Variants in FHL3 observed in about 807,000 individuals in gnomAD.
FHL3 encodes four and a half LIM domains protein 3.
In FHL3, 21 loss-of-function variants were observed where a neutral mutation model predicts 34.3. That is an observed-to-expected ratio of 0.61 (90% CI 0.43 to 0.88). The LOEUF is 0.88. Ranked by LOEUF, FHL3 falls within the 40% of genes least tolerant of loss-of-function variation. FHL3 has a pLI of 0.00. For missense variants in FHL3, 333 were observed against 373.7 expected, an observed-to-expected ratio of 0.89 and a Z score of 0.90; for synonymous variants, 137 against 144.6, an observed-to-expected ratio of 0.95 and a Z score of 0.38.
At position 37,999,242 on chromosome 1, in the gene FHL3, T is replaced by C. The variant is rs751547709; in HGVS notation, c.156+15A>G. On this transcript the variant is annotated intron_variant, in intron 2 of 5. Transcript: ENST00000373016. ...GTCACCACCCACCTCCTGCCTGGCCTGGCCCTCTCCTTACCCTCGAGTCAT... is the reference window on the plus strand; with the variant it reads ...GTCACCACCCACCTCCTGCCTGGCCCGGCCCTCTCCTTACCCTCGAGTCAT... The C allele has an allele frequency of 5.6e-6, 9 of 1,614,058 alleles. No individual in the cohort carries two copies. The highest frequency in any genetic ancestry group is 1.6e-4 in the Middle Eastern group (1 of 6,084).
At position 38,002,440 on chromosome 1, in the gene FHL3, C is replaced by T. The variant is rs181514724; in HGVS notation, c.-21+2917G>A. Reference sequence around the variant, plus strand: ...ATAGAGATGGGGTCTCAATATGCTGCGCAGGCTGGTCTCAAACTCCTGGGC... The same window carrying T: ...ATAGAGATGGGGTCTCAATATGCTGTGCAGGCTGGTCTCAAACTCCTGGGC... On this transcript the variant is annotated intron_variant, in intron 1 of 5. Coordinates refer to ENST00000373016, the MANE Select transcript of FHL3 (RefSeq NM_004468.5). Among the ~76,000 whole-genome samples, 93 of 151,526 alleles carry T rather than the reference C, an allele frequency of 6.1e-4. 1 individual carries two copies. In the South Asian group the frequency reaches 0.011, roughly 17 times the overall value.
chr1:37,999,256 CCCT>C lies in FHL3; in HGVS notation c.154_156del (p.Arg52del). The C allele has an allele frequency of 9.9e-6, 16 of 1,614,214 alleles. No individual in the cohort carries two copies. The highest frequency in any genetic ancestry group is 1.4e-5 in the Non-Finnish European group (16 of 1,180,024). ...CCTGCCTGGCCTGGCCCTCTCCTTA[CCCT>C]CGAGTCATGCCCGATAAGCTGCTGG... On this transcript the variant is annotated inframe_deletion and splice_region_variant, in exon 2 of 6. Coordinates refer to ENST00000373016, the MANE Select transcript of FHL3 (RefSeq NM_004468.5).
Position 37,998,566 on chromosome 1 carries a change from C to T in FHL3, c.331+408G>A, listed in dbSNP as rs115598024. Among the ~76,000 whole-genome samples the T allele has an allele frequency of 3.3e-4, 50 of 152,264 alleles. 1 individual carries two copies. Among genetic ancestry groups the T allele is most frequent in the African/African-American group, 1.2e-3 (49 of 41,554 alleles). ...ACAGGTTCGGTACATGCTAAGCCCT[C>T]GCATCTCCTCGGCACACCATTCTCC... On this transcript the variant is annotated intron_variant, in intron 3 of 5. Transcript: ENST00000373016.
intron 1 of FHL3, among the ~76,000 whole-genome samples, chr1:38,002,861 C>G (rs1023976125): frequency 6.6e-6 from 1 of 151,526 alleles, no homozygotes; most frequent in Non-Finnish European, 1.5e-5. Flanking sequence ...ACGGCAGCCT[C>G]GAACTTCTGT....
In FHL3 at chr1:37,999,129, C is replaced by T. The variant is rs924500427; in HGVS notation, c.176G>A (p.Arg59His). The T allele has an allele frequency of 3.1e-6, 5 of 1,614,064 alleles. No individual in the cohort carries two copies. Among genetic ancestry groups the T allele is most frequent in the African/African-American group, 2.7e-5 (2 of 74,932 alleles). ...GCGGAAGCAGCCCTCGTGGAAATGG[C>T]GGTCTTCATAGAACAGCTCCTGTGG... The part of the protein sequence containing the change: ...HDSRELFYED[R>H]HFHEGCFRCC... Residue 59 changes from arginine to histidine, a missense_variant, in exon 3 of 6, where the codon CGC (arginine) becomes CAC (histidine). Physicochemically the swap from Arg to His is conservative, Grantham distance 29. Transcript: ENST00000373016.
chr1:38,002,035 C>T (rs957362990), intron 1 of FHL3, among the ~76,000 whole-genome samples: 1 of 152,044 alleles, frequency 6.6e-6, no homozygotes, highest in Non-Finnish European at 1.5e-5. Flanking sequence ...CTATTAGCGC[C>T]CTCACTCATA....
intron 1 of FHL3, among the ~76,000 whole-genome samples, chr1:38,001,958 GTGA>G (rs1359207867): frequency 6.6e-6 from 1 of 152,178 alleles, no homozygotes; most frequent in African/African-American, 2.4e-5. Flanking sequence ...AGGCTTAAAT[GTGA>G]TGATACTTGT....
At chr1:38,002,644 G>A (rs909357071) in intron 1 of FHL3, among the ~76,000 whole-genome samples, 1 of 150,586 alleles carries the variant, frequency 6.6e-6, no homozygotes, top group Non-Finnish European at 1.5e-5. Context: ...AGGTTCAAGC[G>A]ATTCTTCTGC....
At chr1:38,004,439 G>A (rs1646623952) in intron 1 of FHL3, among the ~76,000 whole-genome samples, 1 of 151,980 alleles carries the variant, frequency 6.6e-6, no homozygotes, top group African/African-American at 2.4e-5. Flanking sequence ...GTAAGTCAGG[G>A]GCTGTCCTGG....
At chr1:38,004,453 C>T (rs1012216415) in intron 1 of FHL3, among the ~76,000 whole-genome samples, 1 of 152,116 alleles carries the variant, frequency 6.6e-6, no homozygotes, top group Admixed American at 6.5e-5. Context: ...GTCCTGGAAG[C>T]TGTCAGACCA....
intron 1 of FHL3, among the ~76,000 whole-genome samples, chr1:38,004,528 T>A (rs551517468): frequency 1.0e-3 from 155 of 152,274 alleles, no homozygotes; most frequent in African/African-American, 3.5e-3. Flanking sequence ...ACTCAGCATC[T>A]CTGTGTCTGG....
At chr1:37,998,747 T>G (rs916866338) in intron 3 of FHL3, 1 of 560,856 alleles carries the variant, frequency 1.8e-6, no homozygotes, top group African/African-American at 1.9e-5. Context: ...CATGCAGATA[T>G]TCACACATGC....
chr1:37,998,968 A>G lies in FHL3; in HGVS notation c.331+6T>C. The G allele has an allele frequency of 6.2e-7, 1 of 1,613,182 alleles. No individual in the cohort carries two copies. The highest frequency in any genetic ancestry group is 8.5e-7 in the Non-Finnish European group (1 of 1,179,138). On this transcript the variant is annotated splice_donor_region_variant and intron_variant, in intron 3 of 5. Transcript: ENST00000373016. ...TCTCACACAAGATGAGCCCCTGAAC[A>G]CATACCAGGCATGACAGTCTCCCCA...
chr1:37,999,655 G>A (rs1037383386), intron 1 of FHL3, among the ~76,000 whole-genome samples: 3 of 152,206 alleles, frequency 2.0e-5, no homozygotes, highest in Non-Finnish European at 2.9e-5. Context: ...AAAAAACCAG[G>A]AAGCAGAAGT....
chr1:38,001,147 G>A (rs1001630823), intron 1 of FHL3, among the ~76,000 whole-genome samples: 4 of 152,238 alleles, frequency 2.6e-5, no homozygotes, highest in African/African-American at 4.8e-5. Context: ...CCAGGCCAGG[G>A]CATGAGGCCA....
At position 37,997,820 on chromosome 1, in the gene FHL3, T is replaced by A. The variant is rs752779539; in HGVS notation, c.552A>T (p.Glu184Asp). 2.2e-5 allele frequency: 35 copies of A among 1,614,088 alleles called. 2 individuals carry two copies. The Middle Eastern group carries it at 6.6e-4, about 30-fold the overall frequency. ...VTYRDQPWHR[E>D]CLVCTGCQTP... ...TCTGGCATCCGGTACAGACCAGACA[T>A]TCTCGATGCCACGGCTGATCACGGT... Residue 184 changes from glutamate to aspartate, a missense_variant, in exon 5 of 6, where the codon GAA becomes GAT. Coordinates refer to ENST00000373016, the MANE Select transcript of FHL3 (RefSeq NM_004468.5). This position sits in a 1 kb window ranked among gnomAD's most constrained non-coding sequence, Gnocchi z 4.3.
At chr1:38,003,006 A>C (rs1646610805) in intron 1 of FHL3, among the ~76,000 whole-genome samples, 1 of 151,882 alleles carries the variant, frequency 6.6e-6, no homozygotes, top group South Asian at 2.1e-4. Context: ...AAAAATACAA[A>C]AATTAACTAG....
rs772938745 is a variant in FHL3 at position 37,997,571 on chromosome 1, C to G, written c.689-12G>C. On this transcript the variant is annotated splice_polypyrimidine_tract_variant and intron_variant, in intron 5 of 5. Transcript: ENST00000373016. The surrounding 1 kb of genome is among the most constrained non-coding windows in gnomAD (Gnocchi z 4.3). ...GCCTCCACCGAGTCCTGGAGGGAGG[C>G]TGGAAGTTAGCTATGCAGATGTGGG... The G allele has an allele frequency of 4.3e-6, 7 of 1,613,588 alleles. No individual in the cohort carries two copies. In the African/African-American group the frequency reaches 6.7e-5, roughly 15 times the overall value.
chr1:38,002,465 C>T (rs1646605404), intron 1 of FHL3, among the ~76,000 whole-genome samples: 1 of 151,530 alleles, frequency 6.6e-6, no homozygotes, highest in Non-Finnish European at 1.5e-5. Context: ...AACTCCTGGG[C>T]TCAAGCTATC....
Sources: allele counts gnomAD v4.1 joint callset (sites outside exome capture counted in the v4.1 genomes callset), GRCh38; gene constraint gnomAD v4.1.1; non-coding constraint Gnocchi (gnomAD v3.1); transcripts MANE v1.5; gene names NCBI Gene and HGNC (gene_info 2026-07-23, HGNC 2026-07-21).